The following TMEM163 variants were observed in gnomAD, a reference collection of about 807,000 sequenced individuals.
The protein encoded by TMEM163 is transmembrane protein 163.
In TMEM163, 17 loss-of-function variants were observed where a neutral mutation model predicts 29.3. The ratio of observed to expected loss-of-function variants is 0.58; its 90% CI spans 0.40 to 0.87. The LOEUF is 0.87. Ranked by LOEUF, TMEM163 falls within the 40% of genes least tolerant of loss-of-function variation. The pLI, the probability that TMEM163 is intolerant of heterozygous loss-of-function variation, is 0.00. For synonymous variants in TMEM163, 157 were observed against 160.6 expected (o/e 0.98, Z 0.17); for missense variants, 303 against 381.5 (o/e 0.79, Z 1.71).
At chr2:134,634,576 G>A (rs1479430015) in intron 2 of TMEM163, among the ~76,000 whole-genome samples, 1 of 152,190 alleles carries the variant, frequency 6.6e-6, no homozygotes, top group Non-Finnish European at 1.5e-5. Context: ...GTCATGGCAT[G>A]AACATGATAG....
intron 4 of TMEM163, among the ~76,000 whole-genome samples, chr2:134,522,467 C>CTG (rs1680209213): frequency 6.6e-6 from 1 of 152,256 alleles, no homozygotes; most frequent in Non-Finnish European, 1.5e-5. Context: ...TTGGCACTGA[C>CTG]AGCATCCGAA....
chr2:134,712,828 C>A (rs554753090), intron 2 of TMEM163, among the ~76,000 whole-genome samples: 1 of 152,154 alleles, frequency 6.6e-6, no homozygotes, highest in Admixed American at 6.6e-5. Context: ...TGCAATATTG[C>A]ACCCATCTTC....
chr2:134,602,702 C>T (rs1444537596), intron 2 of TMEM163, among the ~76,000 whole-genome samples: 1 of 152,170 alleles, frequency 6.6e-6, no homozygotes, highest in African/African-American at 2.4e-5. Flanking sequence ...GTACAAGAGA[C>T]ACTAATTAAC....
At chr2:134,457,566 C>T (rs548128283) in intron 7 of TMEM163, among the ~76,000 whole-genome samples, 31 of 152,360 alleles carry the variant, frequency 2.0e-4, no homozygotes, top group Middle Eastern at 3.4e-3. Flanking sequence ...GATGCCAGCA[C>T]GGCCTTTCTG....
At chr2:134,706,332 C>T (rs1218423820) in intron 2 of TMEM163, among the ~76,000 whole-genome samples, 1 of 152,134 alleles carries the variant, frequency 6.6e-6, no homozygotes, top group East Asian at 1.9e-4. Flanking sequence ...CAGCCTGCTG[C>T]AACCACAGTG....
At chr2:134,487,724 CA>C in intron 5 of TMEM163, among the ~76,000 whole-genome samples, 1 of 152,258 alleles carries the variant, frequency 6.6e-6, no homozygotes, top group East Asian at 1.9e-4. Context: ...AGTCCAGGGA[CA>C]GCTGTGCACC....
At chr2:134,560,975 T>C (rs1229422520) in intron 2 of TMEM163, among the ~76,000 whole-genome samples, 1 of 152,172 alleles carries the variant, frequency 6.6e-6, no homozygotes, top group African/African-American at 2.4e-5. Flanking sequence ...CAGCTTTTAA[T>C]GACAAAACTT....
intron 2 of TMEM163, among the ~76,000 whole-genome samples, chr2:134,697,072 G>A (rs998993054): frequency 2.6e-5 from 4 of 152,026 alleles, no homozygotes; most frequent in South Asian, 2.1e-4. Flanking sequence ...CACCATGCCC[G>A]GCTTCCCTTA....
intron 4 of TMEM163, among the ~76,000 whole-genome samples, chr2:134,522,228 A>G (rs189658683): frequency 1.2e-3 from 187 of 152,298 alleles, no homozygotes; most frequent in African/African-American, 4.4e-3. Context: ...CCCAGGCACA[A>G]TTACTGCCAG....
At chr2:134,517,778 T>C (rs1680107873) in intron 4 of TMEM163, among the ~76,000 whole-genome samples, 1 of 152,250 alleles carries the variant, frequency 6.6e-6, no homozygotes, top group Non-Finnish European at 1.5e-5. Flanking sequence ...AAGATTTTTA[T>C]TTTAAATCAA....
intron 2 of TMEM163, among the ~76,000 whole-genome samples, chr2:134,707,897 CTTTT>C (rs35922959): frequency 7.5e-6 from 1 of 133,656 alleles, no homozygotes; most frequent in Admixed American, 7.6e-5. Flanking sequence ...CAGACCAGAA[CTTTT>C]TTTTTTTTTT....
intron 4 of TMEM163, among the ~76,000 whole-genome samples, chr2:134,507,936 AAAG>A (rs1469713652): frequency 6.6e-6 from 1 of 152,052 alleles, no homozygotes; most frequent in East Asian, 1.9e-4. Context: ...AAGCCACTTC[AAAG>A]AAATGATTAA....
intron 2 of TMEM163, among the ~76,000 whole-genome samples, chr2:134,592,293 T>C (rs1273916782): frequency 6.6e-6 from 1 of 152,212 alleles, no homozygotes; most frequent in Non-Finnish European, 1.5e-5. Flanking sequence ...TATCAGACTT[T>C]TAGTGAATCT....
intron 2 of TMEM163, among the ~76,000 whole-genome samples, chr2:134,676,894 C>G (rs1684127068): frequency 1.3e-5 from 2 of 152,004 alleles, no homozygotes; most frequent in African/African-American, 4.8e-5. Flanking sequence ...AAATTAACTA[C>G]CCTCATGATT....
intron 2 of TMEM163, among the ~76,000 whole-genome samples, chr2:134,651,628 G>A (rs1206306544): frequency 8.7e-6 from 1 of 115,014 alleles, no homozygotes; most frequent in Non-Finnish European, 1.7e-5. Flanking sequence ...CCATGCCTAT[G>A]TCCTGAATGG....
chr2:134,511,927 G>C (rs1679957946), intron 4 of TMEM163, among the ~76,000 whole-genome samples: 1 of 152,210 alleles, frequency 6.6e-6, no homozygotes, highest in African/African-American at 2.4e-5. Context: ...TACCCAAAGA[G>C]AGTGAACAGC....
chr2:134,467,976 T>A (rs761631484), intron 5 of TMEM163: 1 of 152,234 alleles, frequency 6.6e-6, no homozygotes, highest in Non-Finnish European at 1.5e-5. Context: ...ACCAGGCCTC[T>A]TGACAACTCT....
At chr2:134,471,913 C>T (rs1301454147) in intron 5 of TMEM163, among the ~76,000 whole-genome samples, 1 of 152,244 alleles carries the variant, frequency 6.6e-6, no homozygotes. Context: ...ATCATCATCT[C>T]TCATGTCCCT....
rs1287092570 is a variant in TMEM163 at position 134,519,909 on chromosome 2, AT to A, written c.459-16913del. Among the ~76,000 whole-genome samples the A allele has an allele frequency of 4.7e-5, 7 of 149,108 alleles. No homozygotes were observed. The East Asian group carries it at 1.0e-3, about 22-fold the overall frequency. On this transcript the variant is annotated intron_variant, in intron 4 of 7. Transcript: ENST00000281924. ...CACCTCAAAAAAAAAAAAAAAAAAAATTCCCACACACAAACATCCTCTGAAG... is the reference window on the plus strand; with the variant it reads ...CACCTCAAAAAAAAAAAAAAAAAAAATCCCACACACAAACATCCTCTGAAG...
Sources: allele counts gnomAD v4.1 joint callset (sites outside exome capture counted in the v4.1 genomes callset), GRCh38; gene constraint gnomAD v4.1.1; transcripts MANE v1.5; gene names NCBI Gene and HGNC (gene_info 2026-07-23, HGNC 2026-07-21).